ABTB3: variants seen among roughly 807,000 people sequenced by gnomAD.
The protein encoded by ABTB3 is ankyrin repeat- and BTB/POZ domain-containing protein 3.
the ABTB3 span, among the ~76,000 whole-genome samples, chr12:107,467,396 C>G: frequency 7.2e-5 from 11 of 152,174 alleles, no homozygotes; most frequent in African/African-American, 2.7e-4. Flanking sequence ...TTGTCCCCCA[C>G]AAGCCTGGTG....
the ABTB3 span, among the ~76,000 whole-genome samples, chr12:107,508,438 CTTTT>C: frequency 3.0e-4 from 21 of 69,152 alleles, no homozygotes; most frequent in East Asian, 2.6e-3. Flanking sequence ...AAGATCATTT[CTTTT>C]TTTTTTTTTT....
the ABTB3 span, among the ~76,000 whole-genome samples, chr12:107,575,717 C>T: frequency 6.6e-6 from 1 of 152,272 alleles, no homozygotes; most frequent in Admixed American, 6.5e-5. Context: ...TTTCCTTTGA[C>T]CTTCTTGCCT....
chr12:107,430,372 G>C, the ABTB3 span, among the ~76,000 whole-genome samples: 51 of 152,296 alleles, frequency 3.3e-4, no homozygotes, highest in South Asian at 0.01. Context: ...GCAACTACTG[G>C]ATTAAAATGT....
chr12:107,509,780 A>G, the ABTB3 span, among the ~76,000 whole-genome samples: 1 of 152,246 alleles, frequency 6.6e-6, no homozygotes, highest in Non-Finnish European at 1.5e-5. Flanking sequence ...GTCTCTTAAA[A>G]GGGGTTTCCA....
chr12:107,599,214 C>A, the ABTB3 span, among the ~76,000 whole-genome samples: 10 of 152,258 alleles, frequency 6.6e-5, no homozygotes, highest in South Asian at 2.1e-3. Context: ...ATTACACATC[C>A]CGCTTTTCTC....
chr12:107,617,308 T>C, the ABTB3 span: 1 of 1,614,092 alleles, frequency 6.2e-7, no homozygotes. Context: ...CAGGAAATTT[T>C]GAGCTGGTTA....
chr12:107,346,788 A>T, the ABTB3 span, among the ~76,000 whole-genome samples: 5 of 152,184 alleles, frequency 3.3e-5, no homozygotes, highest in African/African-American at 1.2e-4. Flanking sequence ...GTCAATAAAA[A>T]GTACAATTTT....
chr12:107,487,000 C>G, the ABTB3 span, among the ~76,000 whole-genome samples: 1 of 152,112 alleles, frequency 6.6e-6, no homozygotes, highest in African/African-American at 2.4e-5. Flanking sequence ...CTGCCATAGG[C>G]CCTGTCATTA....
At chr12:107,422,369 A>T in the ABTB3 span, among the ~76,000 whole-genome samples, 1 of 152,186 alleles carries the variant, frequency 6.6e-6, no homozygotes, top group East Asian at 1.9e-4. Flanking sequence ...GAGGCCCTAC[A>T]GGTTGCAGAA....
the ABTB3 span, among the ~76,000 whole-genome samples, chr12:107,355,131 A>G: frequency 6.6e-6 from 1 of 152,102 alleles, no homozygotes; most frequent in Non-Finnish European, 1.5e-5. Flanking sequence ...GGGGCTTTTT[A>G]TAGTTTGAGA....
chr12:107,542,864 GTCA>G, the ABTB3 span, among the ~76,000 whole-genome samples: 1 of 152,164 alleles, frequency 6.6e-6, no homozygotes, highest in Admixed American at 6.5e-5. Context: ...CATCATAAAG[GTCA>G]TCATCCTTGT....
At chr12:107,604,391 G>A in the ABTB3 span, among the ~76,000 whole-genome samples, 1 of 152,090 alleles carries the variant, frequency 6.6e-6, no homozygotes, top group Non-Finnish European at 1.5e-5. Flanking sequence ...AGGCTGCAGT[G>A]AGCTGAGATC....
At chr12:107,482,988 CCTTCCT>C in the ABTB3 span, among the ~76,000 whole-genome samples, 3 of 11,148 alleles carry the variant, frequency 2.7e-4, no homozygotes, top group Admixed American at 3.4e-3. Context: ...TTCTTTCTTT[CCTTCCT>C]TCCTTCCTTC....
chr12:107,531,239 G>A, the ABTB3 span, among the ~76,000 whole-genome samples: 1 of 152,196 alleles, frequency 6.6e-6, no homozygotes, highest in East Asian at 1.9e-4. Flanking sequence ...CAATCAAAAT[G>A]TGTCCAGAAA....
chr12:107,324,353 G>T, the ABTB3 span, among the ~76,000 whole-genome samples: 2 of 152,156 alleles, frequency 1.3e-5, no homozygotes, highest in Admixed American at 6.5e-5. Context: ...GTCACAAAAA[G>T]ATTGTTTTGG....
the ABTB3 span, among the ~76,000 whole-genome samples, chr12:107,633,543 A>T: frequency 6.6e-6 from 1 of 152,170 alleles, no homozygotes; most frequent in East Asian, 1.9e-4. Flanking sequence ...CTTACCACAC[A>T]GTGCTTCTCA....
chr12:107,422,969 TC>T, the ABTB3 span, among the ~76,000 whole-genome samples: 1 of 152,230 alleles, frequency 6.6e-6, no homozygotes, highest in Non-Finnish European at 1.5e-5. Flanking sequence ...TATTTCTTCC[TC>T]TATAGTTTCA....
chr12:107,605,544 A>G, the ABTB3 span, among the ~76,000 whole-genome samples: 1 of 152,156 alleles, frequency 6.6e-6, no homozygotes. Flanking sequence ...GCTGTTGCAG[A>G]GTGAAGGAGG....
chr12:107,450,720 A>G, the ABTB3 span, among the ~76,000 whole-genome samples: 1 of 152,122 alleles, frequency 6.6e-6, no homozygotes, highest in Non-Finnish European at 1.5e-5. Flanking sequence ...ACTAGAGGTC[A>G]CTGGTTTCTC....
Sources: allele counts gnomAD v4.1 joint callset (sites outside exome capture counted in the v4.1 genomes callset), GRCh38; gene constraint gnomAD v4.1.1; transcripts MANE v1.5; gene names NCBI Gene and HGNC (gene_info 2026-07-23, HGNC 2026-07-21).